DENND2C: variants seen among roughly 807,000 people sequenced by gnomAD.
DENND2C encodes DENN domain-containing protein 2C.
Under a neutral mutation model 112.4 loss-of-function variants are expected in DENND2C, and 72 were observed. The observed-to-expected ratio is 0.64, with a 90% CI of 0.53 to 0.78. The LOEUF (loss-of-function observed/expected upper bound fraction) is 0.78, where lower values mean the gene tolerates loss of function less well. DENND2C is among the 30% of genes least tolerant of loss of function. The pLI is 0.00. For synonymous variants in DENND2C, 329 were observed against 381.6 expected (o/e 0.86, Z 1.61); for missense variants, 992 against 1,113.8 (o/e 0.89, Z 1.56).
At chr1:114,664,244 T>C (rs894166739) in intron 1 of DENND2C, among the ~76,000 whole-genome samples, 12 of 152,078 alleles carry the variant, frequency 7.9e-5, no homozygotes, top group Admixed American at 7.2e-4. Context: ...TTGTTGTTTT[T>C]TAAGCTTTGT....
intron 10 of DENND2C, among the ~76,000 whole-genome samples, chr1:114,605,813 T>C (rs1655643566): frequency 6.6e-6 from 1 of 152,080 alleles, no homozygotes; most frequent in African/African-American, 2.4e-5. Flanking sequence ...ACATAAAAGA[T>C]ACTATTTTGA....
intron 3 of DENND2C, among the ~76,000 whole-genome samples, chr1:114,638,135 C>T (rs79571334): frequency 0.026 from 4,013 of 152,114 alleles, 95 homozygotes; most frequent in Non-Finnish European, 0.034. Flanking sequence ...CAGAAATGAA[C>T]CCACATATAT....
chr1:114,614,794 C>T (rs937467861), intron 8 of DENND2C, among the ~76,000 whole-genome samples: 8 of 152,186 alleles, frequency 5.3e-5, no homozygotes, highest in East Asian at 1.9e-4. Flanking sequence ...GGGTGGATCA[C>T]GAGGTCAAGA....
In DENND2C at chr1:114,619,411, A is replaced by C. The variant is rs186335494; in HGVS notation, c.1228-929T>G. ...ACATTATATATGATAACAACCAATA[A>C]AGTTGCCCGAGAAAAACGCTCTTGT... On this transcript the variant is annotated intron_variant, in intron 7 of 20. Coordinates refer to ENST00000393274, the MANE Select transcript of DENND2C (RefSeq NM_001256404.2). 3.2e-4 allele frequency among the ~76,000 whole-genome samples: 49 copies of C among 152,314 alleles called. 1 individual carries two copies. The East Asian group carries it at 8.7e-3, about 27-fold the overall frequency.
intron 10 of DENND2C, among the ~76,000 whole-genome samples, chr1:114,605,544 C>A (rs1655636526): frequency 6.6e-6 from 1 of 152,218 alleles, no homozygotes; most frequent in East Asian, 1.9e-4. Context: ...GTAATCCCAG[C>A]ACTTTGGGAG....
Position 114,605,148 on chromosome 1 carries a change from A to C in DENND2C, c.1558-117T>G, listed in dbSNP as rs1655625720. ...CTCTGATAAGCCTGAGTAGTTGCTG[A>C]TAAGCCTCAGCATGGTTTTGTACTG... On this transcript the variant is annotated intron_variant, in intron 10 of 20. Coordinates refer to ENST00000393274, the MANE Select transcript of DENND2C (RefSeq NM_001256404.2). The C allele has an allele frequency of 9.0e-6, 6 of 665,728 alleles. No individual in the cohort carries two copies. In the Admixed American group the frequency reaches 1.8e-4, roughly 20 times the overall value. The allele number at this position is 665,728 out of a possible 1,614,324, so 41.2% of individuals were successfully genotyped here.
chr1:114,587,316 G>T, intron 20 of DENND2C, 71 bp downstream of exon 20: 1 of 1,545,446 alleles, frequency 6.5e-7, no homozygotes, highest in Non-Finnish European at 8.9e-7. Flanking sequence ...CAAAGTGCTG[G>T]AATTACAGGC....
At chr1:114,632,251 A>T (rs1184246190) in intron 3 of DENND2C, among the ~76,000 whole-genome samples, 1 of 152,156 alleles carries the variant, frequency 6.6e-6, no homozygotes, top group African/African-American at 2.4e-5. Context: ...TTCAAGTAAT[A>T]ACAGATGAAA....
intron 16 of DENND2C, among the ~76,000 whole-genome samples, chr1:114,597,970 G>A (rs1177710724): frequency 6.6e-6 from 1 of 152,184 alleles, no homozygotes; most frequent in Admixed American, 6.5e-5. Context: ...TTATACAACT[G>A]ATGATAAAAA....
intron 1 of DENND2C, among the ~76,000 whole-genome samples, chr1:114,657,159 A>G (rs1340517991): frequency 1.3e-5 from 2 of 152,232 alleles, no homozygotes; most frequent in Non-Finnish European, 1.5e-5. Context: ...CTCCTCAGTC[A>G]TACTGGAATT....
chr1:114,594,523 A>G lies in DENND2C; in HGVS notation c.2381T>C (p.Ile794Thr), dbSNP rs773075931. The G allele has an allele frequency of 1.2e-5, 20 of 1,613,868 alleles. No homozygotes were observed. The highest frequency in any genetic ancestry group is 2.7e-5 in the African/African-American group (2 of 74,900). The part of the protein sequence containing the change: ...PPKLQAALMQ[I>T]LEERNEILTQ... ...CAAGATTTCATTTCGTTCTTCCAAA[A>G]TCTGCATCAGGGCAGCTTGAAGTTT... is the stretch of plus-strand genomic sequence containing the variant. The change falls in exon 18 of 21, where the codon ATT becomes ACT. Residue 794 changes from isoleucine (I) to threonine (T), a missense_variant. Ile to Thr is a moderately conservative substitution (Grantham distance 89, BLOSUM62 -1). Around this residue, in one of 3 missense-constraint regions of DENND2C, gnomAD observed 516 missense variants for 623.6 expected, o/e 0.83. Coordinates refer to ENST00000393274, the MANE Select transcript of DENND2C (RefSeq NM_001256404.2).
chr1:114,668,760 G>A (rs1357076843), intron 1 of DENND2C, among the ~76,000 whole-genome samples: 1 of 152,052 alleles, frequency 6.6e-6, no homozygotes, highest in Non-Finnish European at 1.5e-5. Context: ...AAGGCTGTAT[G>A]AAAAAATATG....
In DENND2C at chr1:114,600,347, A is replaced by G. The variant is rs1405397938; in HGVS notation, c.1962T>C (p.Ile654=). The change falls in exon 15 of 21, where the codon ATT becomes ATC. Residue 654 remains isoleucine, a synonymous_variant. Transcript: ENST00000393274. ...GGGAATCTAGTGGTCGGCAGAGTTCAATGGACTGAAATGCAAGAAGTTGAA... is the reference window on the plus strand; with the variant it reads ...GGGAATCTAGTGGTCGGCAGAGTTCGATGGACTGAAATGCAAGAAGTTGAA... ...SYLPGAGDES[I]ELCRPLDSRL... 1 of 1,614,014 alleles carries G rather than the reference A, an allele frequency of 6.2e-7. No homozygotes were observed. Among genetic ancestry groups the G allele is most frequent in the East Asian group, 2.2e-5 (1 of 44,866 alleles).
At chr1:114,622,153 G>T in intron 6 of DENND2C, 88 bp from the exon 7 acceptor site, 2 of 1,362,462 alleles carry the variant, frequency 1.5e-6, no homozygotes, top group Non-Finnish European at 9.8e-7. Context: ...TTGCTCTGTC[G>T]CCCAGGCTGG....
At chr1:114,641,737 CA>C (rs1242726463) in intron 3 of DENND2C, among the ~76,000 whole-genome samples, 1 of 152,106 alleles carries the variant, frequency 6.6e-6, no homozygotes, top group Non-Finnish European at 1.5e-5. Flanking sequence ...TACCCAGCCT[CA>C]GGTAATCCTT....
chr1:114,594,373 A>C, intron 18 of DENND2C, 100 bp downstream of exon 18: 1 of 963,094 alleles, frequency 1.0e-6, no homozygotes. Flanking sequence ...CAGGCAATCT[A>C]ATGCTACTTT....
intron 3 of DENND2C, among the ~76,000 whole-genome samples, chr1:114,639,820 G>C (rs1557955080): frequency 1.3e-5 from 2 of 151,598 alleles, no homozygotes; most frequent in African/African-American, 4.8e-5. Context: ...GCAATCTGAA[G>C]TGCTGAAATT....
chr1:114,669,708 G>T (rs377042955), intron 1 of DENND2C, among the ~76,000 whole-genome samples: 1 of 152,146 alleles, frequency 6.6e-6, no homozygotes. Context: ...CTGAGGTAGC[G>T]AGGAGGTCTT....
intron 3 of DENND2C, among the ~76,000 whole-genome samples, chr1:114,635,958 A>G (rs1195519831): frequency 2.0e-5 from 3 of 151,886 alleles, no homozygotes; most frequent in Non-Finnish European, 4.4e-5. Flanking sequence ...TTGAGCCAAG[A>G]TCACGCCTCT....
Sources: allele counts gnomAD v4.1 joint callset (sites outside exome capture counted in the v4.1 genomes callset), GRCh38; gene constraint gnomAD v4.1.1; regional missense constraint gnomAD v4.1.1; transcripts MANE v1.5; gene names NCBI Gene and HGNC (gene_info 2026-07-23, HGNC 2026-07-21).